The following PLEKHA7 variants were observed in gnomAD, a reference collection of about 807,000 sequenced individuals.
PLEKHA7 encodes the protein pleckstrin homology domain-containing family A member 7.
In PLEKHA7, 104 loss-of-function variants were observed where a neutral mutation model predicts 170.0. That is an observed-to-expected ratio of 0.61 (90% CI 0.52 to 0.72). The LOEUF is 0.72. Ranked by LOEUF, PLEKHA7 falls within the 30% of genes least tolerant of loss-of-function variation. The pLI is 0.00. For synonymous variants in PLEKHA7, 648 were observed against 660.8 expected, an observed-to-expected ratio of 0.98 and a Z score of 0.30; for missense variants, 1,615 against 1,671.7, an observed-to-expected ratio of 0.97 and a Z score of 0.59.
intron 3 of PLEKHA7, among the ~76,000 whole-genome samples, chr11:17,012,627 C>T (rs1248102447): frequency 6.6e-6 from 1 of 152,202 alleles, no homozygotes; most frequent in Non-Finnish European, 1.5e-5. Context: ...CTACTCCCTT[C>T]CCTCTCCTAT....
intron 3 of PLEKHA7, among the ~76,000 whole-genome samples, chr11:17,001,172 C>T (rs1002543491): frequency 1.3e-5 from 2 of 152,162 alleles, no homozygotes; most frequent in Non-Finnish European, 1.5e-5. Flanking sequence ...TTGGAACTGT[C>T]CAGCATTCCT....
At chr11:16,801,952 C>T (rs561985247) in intron 15 of PLEKHA7, 135 bp from the exon 16 acceptor site, 211 of 1,097,160 alleles carry the variant, frequency 1.9e-4, no homozygotes, top group Non-Finnish European at 2.5e-4. Context: ...GGCCCACAGT[C>T]GGGGCTCTGA....
chr11:16,783,803 CA>C lies in PLEKHA7; in HGVS notation c.3546del (p.Glu1183SerfsTer6). 6.6e-7 allele frequency: 1 copy of C among 1,508,796 alleles called. No homozygotes were observed. Among genetic ancestry groups the C allele is most frequent in the African/African-American group, 1.4e-5 (1 of 71,682 alleles). 93.5% of individuals were successfully genotyped at this position (1,508,796 alleles called of 1,614,324 possible). A position where few individuals can be genotyped will look rare whatever the true frequency, so the allele number is the denominator to read the frequency against. On this transcript the variant is annotated frameshift_variant, in exon 25 of 27. Transcript: ENST00000531066. LOFTEE classifies it high-confidence loss of function. ...ELSKPEKVSI[P>X]ERYVELDPEE... ...TCGGGATCTAGCTCCACGTAGCGCT[CA>C]GGGATTGACACCTTCTCTGGTTTGG...
intron 3 of PLEKHA7, among the ~76,000 whole-genome samples, chr11:16,969,575 A>G (rs1862585005): frequency 6.6e-6 from 1 of 152,114 alleles, no homozygotes; most frequent in Non-Finnish European, 1.5e-5. Flanking sequence ...GGCAGAAGTC[A>G]CACCTCCCAT....
intron 3 of PLEKHA7, among the ~76,000 whole-genome samples, chr11:16,980,293 G>C (rs927817279): frequency 3.9e-5 from 6 of 152,386 alleles, no homozygotes; most frequent in African/African-American, 1.4e-4. Context: ...ACAAGCGTAT[G>C]AGACGGGCAC....
chr11:16,943,807 C>T (rs1456069161), intron 3 of PLEKHA7, among the ~76,000 whole-genome samples: 1 of 152,130 alleles, frequency 6.6e-6, no homozygotes, highest in Non-Finnish European at 1.5e-5. Context: ...AGAGACAGTG[C>T]CAGGAGAAAC....
At chr11:16,855,694 T>A in intron 5 of PLEKHA7, 109 bp downstream of exon 5, 1 of 812,454 alleles carries the variant, frequency 1.2e-6, no homozygotes, top group Non-Finnish European at 2.0e-6. Flanking sequence ...ACACTTCTTA[T>A]GGGTCTCTCT....
intron 8 of PLEKHA7, among the ~76,000 whole-genome samples, chr11:16,848,120 G>T (rs1336987417): frequency 6.6e-6 from 1 of 152,186 alleles, no homozygotes; most frequent in Non-Finnish European, 1.5e-5. Context: ...AGGAGGAGAT[G>T]AATTTGATAG....
chr11:16,797,522 A>ATACTGTC (rs1447074215), intron 17 of PLEKHA7, among the ~76,000 whole-genome samples: 1 of 152,196 alleles, frequency 6.6e-6, no homozygotes, highest in East Asian at 1.9e-4. Context: ...ATACTTTCCA[A>ATACTGTC]CAGCCAGGAC....
chr11:17,008,240 A>T (rs1865130339), intron 3 of PLEKHA7, among the ~76,000 whole-genome samples: 1 of 152,240 alleles, frequency 6.6e-6, no homozygotes. Context: ...TTGTGCAATC[A>T]GCTGGTTCCT....
chr11:16,829,780 A>T (rs2135034505), intron 9 of PLEKHA7, among the ~76,000 whole-genome samples: 1 of 152,310 alleles, frequency 6.6e-6, no homozygotes, highest in African/African-American at 2.4e-5. Flanking sequence ...GCCTCAAAAA[A>T]GAAAAAGTAA....
intron 3 of PLEKHA7, among the ~76,000 whole-genome samples, chr11:16,966,290 ATGTGTGTGTGTGTGTGTG>A (rs112176840): frequency 6.6e-4 from 98 of 149,114 alleles, no homozygotes; most frequent in African/African-American, 2.0e-3. Context: ...TTGTGCATGT[ATGTGTGTGTGTGTGTGTG>A]TGTGTGTGTG....
At chr11:16,928,240 C>T (rs1295484782) in intron 3 of PLEKHA7, among the ~76,000 whole-genome samples, 2 of 152,110 alleles carry the variant, frequency 1.3e-5, no homozygotes, top group Non-Finnish European at 2.9e-5. Flanking sequence ...AGCCCAGGAG[C>T]TTGAGGTTGC....
chr11:16,946,239 T>C (rs957655627), intron 3 of PLEKHA7, among the ~76,000 whole-genome samples: 1 of 152,230 alleles, frequency 6.6e-6, no homozygotes, highest in Non-Finnish European at 1.5e-5. Context: ...TGCCAGCCCA[T>C]GTCCAGCCAG....
intron 3 of PLEKHA7, among the ~76,000 whole-genome samples, chr11:16,997,465 T>A (rs2137009040): frequency 6.6e-6 from 1 of 152,128 alleles, no homozygotes; most frequent in Admixed American, 6.5e-5. Context: ...GGGAGTCAAG[T>A]CCAAAACAAA....
intron 3 of PLEKHA7, among the ~76,000 whole-genome samples, chr11:17,008,592 C>T (rs1362539125): frequency 6.6e-6 from 1 of 152,192 alleles, no homozygotes; most frequent in Non-Finnish European, 1.5e-5. Flanking sequence ...ACCTAGAAAA[C>T]TCATTGGGTC....
chr11:16,857,774 A>T (rs1853594898), intron 4 of PLEKHA7, among the ~76,000 whole-genome samples: 2 of 152,268 alleles, frequency 1.3e-5, no homozygotes. Flanking sequence ...GCTGGAGCGC[A>T]GTGGCGCGAT....
rs1420004461 is a variant in PLEKHA7 at position 16,957,689 on chromosome 11, A to ATATTTT, written c.221+56299_221+56300insAAAATA. Among the ~76,000 whole-genome samples the ATATTTT allele has an allele frequency of 1.7e-4, 20 of 118,292 alleles. 3 individuals are homozygous for ATATTTT. Among genetic ancestry groups the ATATTTT allele is most frequent in the East Asian group, 2.3e-4 (1 of 4,338 alleles). The allele number at this position is 118,292 out of a possible 152,430, so 77.6% of individuals were successfully genotyped here. On this transcript the variant is annotated intron_variant, in intron 3 of 26. Transcript: ENST00000531066. ...ATATTACATGAATTTTACCTCAATA[A>ATATTTT]TTTTTTTCTTTTTTTTTTTTTTTTT... is the stretch of plus-strand genomic sequence containing the variant.
chr11:16,978,396 CAAG>C (rs773616557), intron 3 of PLEKHA7, among the ~76,000 whole-genome samples: 1 of 152,112 alleles, frequency 6.6e-6, no homozygotes, highest in Non-Finnish European at 1.5e-5. Flanking sequence ...ACATGAGTAA[CAAG>C]AGAGAGAAAG....
Sources: gnomAD v4.1 joint callset for allele counts (sites outside exome capture counted in the v4.1 genomes callset) on GRCh38, gnomAD v4.1.1 for gene constraint, MANE v1.5 for transcripts, NCBI Gene and HGNC (gene_info 2026-07-23, HGNC 2026-07-21) for gene names.